Variants in CELF2 observed in about 807,000 individuals in gnomAD.
CELF2 encodes CUG triplet repeat RNA-binding protein 2.
CELF2 carries 8 observed loss-of-function variants against 62.6 expected under a neutral mutation model. That is an observed-to-expected ratio of 0.13 (90% confidence interval 0.07 to 0.23). The LOEUF (loss-of-function observed/expected upper bound fraction) is 0.23, where lower values mean the gene tolerates loss of function less well. Ranked by LOEUF, CELF2 falls within the 10% of genes least tolerant of loss-of-function variation. The pLI is 1.00. For synonymous variants in CELF2, 258 were observed against 250.0 expected (o/e 1.03, Z -0.30); for missense variants, 333 against 671.0 (o/e 0.50, Z 5.56).
Position 10,959,210 on chromosome 10 carries a change from G to A in CELF2, c.89+39211G>A, listed in dbSNP as rs954842443. 8.5e-5 allele frequency among the ~76,000 whole-genome samples: 13 copies of A among 152,214 alleles called. No homozygotes were observed. The East Asian group carries it at 9.6e-4, about 11-fold the overall frequency. On this transcript the variant is annotated intron_variant, in intron 2 of 13. Coordinates refer to the CELF2 transcript ENST00000636488. ...GCAGAAGAATCACTTGAACCTGGGA[G>A]GCAGAGGTTGCAGTGAGGTGACATC... is the stretch of plus-strand genomic sequence containing the variant.
At chr10:11,131,489 C>G (rs543841248) in intron 1 of CELF2, among the ~76,000 whole-genome samples, 2 of 152,334 alleles carry the variant, frequency 1.3e-5, no homozygotes, top group Admixed American at 6.5e-5. Context: ...TGACTTTGAC[C>G]TCTGTCTTCA....
chr10:10,795,165 A>G (rs1042603441), upstream of CELF2, among the ~76,000 whole-genome samples: 2 of 151,934 alleles, frequency 1.3e-5, no homozygotes, highest in African/African-American at 4.8e-5. Flanking sequence ...TGTTAGCTCT[A>G]TGAAAAGGAA....
intron 1 of CELF2, among the ~76,000 whole-genome samples, chr10:11,027,855 C>CT (rs2059480545): frequency 6.6e-6 from 1 of 152,178 alleles, no homozygotes; most frequent in African/African-American, 2.4e-5. Flanking sequence ...AAATACGCTG[C>CT]TTACCTGTCC....
chr10:10,768,730 C>T, the CELF2 span, among the ~76,000 whole-genome samples: 1 of 151,974 alleles, frequency 6.6e-6, no homozygotes, highest in Non-Finnish European at 1.5e-5. Flanking sequence ...CCCAACACCA[C>T]CCCTGGCTAA....
chr10:10,952,487 C>T (rs1012616451), intron 2 of CELF2, among the ~76,000 whole-genome samples: 2 of 152,190 alleles, frequency 1.3e-5, no homozygotes, highest in Non-Finnish European at 1.5e-5. Context: ...ATGAAGGCTT[C>T]CAGCCATTGG....
the CELF2 span, among the ~76,000 whole-genome samples, chr10:10,586,275 A>T: frequency 1.3e-5 from 2 of 152,200 alleles, no homozygotes; most frequent in East Asian, 3.9e-4. Context: ...CTATTTTTTA[A>T]TTTTTTTCTT....
chr10:11,260,566 C>T lies in CELF2; in HGVS notation c.538+2694C>T, dbSNP rs1378581989. On this transcript the variant is annotated intron_variant, in intron 5 of 12. Coordinates refer to ENST00000633077, the MANE Select transcript of CELF2 (RefSeq NM_001326342.2). The surrounding 1 kb of genome is among the most constrained non-coding windows in gnomAD (Gnocchi z 4.2). ...CACCAGAAGCAGCCTGTTCCTGCAA[C>T]AAGTGATGGGGAGCAGTCTCATCAA... 6.6e-6 allele frequency among the ~76,000 whole-genome samples: 1 copy of T among 151,992 alleles called. No homozygotes were observed. Among genetic ancestry groups the T allele is most frequent in the Non-Finnish European group, 1.5e-5 (1 of 68,014 alleles).
chr10:10,473,818 A>T, the CELF2 span, among the ~76,000 whole-genome samples: 34,363 of 151,986 alleles, frequency 0.23, 4,362 homozygotes, highest in African/African-American at 0.35. Flanking sequence ...GAAAAAGAGA[A>T]TCATGTCATT....
the CELF2 span, among the ~76,000 whole-genome samples, chr10:10,629,452 G>A: frequency 2.0e-5 from 3 of 151,804 alleles, no homozygotes; most frequent in African/African-American, 7.3e-5. Flanking sequence ...GTCGTGTTGG[G>A]GTCTTATATT....
In CELF2 at chr10:11,290,782, T is replaced by C. The variant is rs1252593265; in HGVS notation, c.976+2230T>C. Among the ~76,000 whole-genome samples, 1 of 152,156 alleles carries C rather than the reference T, an allele frequency of 6.6e-6. No individual in the cohort carries two copies. Among genetic ancestry groups the C allele is most frequent in the East Asian group, 1.9e-4 (1 of 5,190 alleles). On this transcript the variant is annotated intron_variant, in intron 9 of 12. Coordinates refer to ENST00000633077, the MANE Select transcript of CELF2 (RefSeq NM_001326342.2). The surrounding 1 kb of genome is among the most constrained non-coding windows in gnomAD (Gnocchi z 4.3). ...CTCGCTTAGGTGTCACTGAGAGCGA[T>C]TTTTCTCTTCTCTACTGAGGAATGC... is the stretch of plus-strand genomic sequence containing the variant.
rs2065777798 is a variant in CELF2 at position 10,928,647 on chromosome 10, A to G, written c.89+8648A>G. On this transcript the variant is annotated intron_variant, in intron 2 of 13. Coordinates refer to the CELF2 transcript ENST00000636488. The surrounding 1 kb of genome is among the most constrained non-coding windows in gnomAD (Gnocchi z 4.8). ...TTTACTTTTATAGAAAGGTTTGCTGACCACTGTTCTATACACATCCTAGGT... is the reference window on the plus strand; with the variant it reads ...TTTACTTTTATAGAAAGGTTTGCTGGCCACTGTTCTATACACATCCTAGGT... 6.6e-6 allele frequency among the ~76,000 whole-genome samples: 1 copy of G among 152,156 alleles called. No homozygotes were observed.
At chr10:10,508,002 C>T in the CELF2 span, among the ~76,000 whole-genome samples, 1 of 152,138 alleles carries the variant, frequency 6.6e-6, no homozygotes, top group Non-Finnish European at 1.5e-5. Flanking sequence ...ATAGCATTTA[C>T]CTTTATTTTC....
At chr10:10,776,947 TG>T in the CELF2 span, among the ~76,000 whole-genome samples, 2 of 152,252 alleles carry the variant, frequency 1.3e-5, no homozygotes, top group African/African-American at 4.8e-5. Context: ...CTTCACGTCT[TG>T]GCTATGCCAT....
At chr10:10,704,645 C>T in the CELF2 span, among the ~76,000 whole-genome samples, 24 of 152,182 alleles carry the variant, frequency 1.6e-4, no homozygotes, top group African/African-American at 2.4e-4. Context: ...CTCTAGGAGA[C>T]GCATTAGCTG....
the CELF2 span, among the ~76,000 whole-genome samples, chr10:10,557,011 T>C: frequency 1.3e-5 from 2 of 148,544 alleles, no homozygotes; most frequent in Non-Finnish European, 3.0e-5. Context: ...GTAGTTTCTT[T>C]TGCTGTGCAG....
At chr10:10,491,217 T>A in the CELF2 span, among the ~76,000 whole-genome samples, 2 of 152,176 alleles carry the variant, frequency 1.3e-5, no homozygotes, top group Non-Finnish European at 2.9e-5. Context: ...TCCAGCCCCT[T>A]TCACTGACAT....
At chr10:11,206,521 G>A (rs972180281) in intron 2 of CELF2, among the ~76,000 whole-genome samples, 3 of 152,164 alleles carry the variant, frequency 2.0e-5, no homozygotes, top group Non-Finnish European at 4.4e-5. Context: ...TGCCTCCTTG[G>A]TGTATGGGAA....
Position 11,191,918 on chromosome 10 carries a change from A to G in CELF2, c.272-25507A>G, listed in dbSNP as rs1038572568. ...CATGCAGAGGCCCCGCCCTGTGTCC[A>G]CTCTACTTCTTAGGAACCTGGCAAC... On this transcript the variant is annotated intron_variant, in intron 2 of 12. Coordinates refer to ENST00000633077, the MANE Select transcript of CELF2 (RefSeq NM_001326342.2). The surrounding 1 kb of genome is among the most constrained non-coding windows in gnomAD (Gnocchi z 4.1). Among the ~76,000 whole-genome samples, 1 of 151,902 alleles carries G rather than the reference A, an allele frequency of 6.6e-6. No homozygotes were observed.
At chr10:10,628,284 GT>G in the CELF2 span, among the ~76,000 whole-genome samples, 2 of 149,630 alleles carry the variant, frequency 1.3e-5, no homozygotes, top group African/African-American at 4.9e-5. Context: ...GTATCCTCAT[GT>G]CTCTAGAACC....
Sources: allele counts gnomAD v4.1 joint callset (sites outside exome capture counted in the v4.1 genomes callset), GRCh38; gene constraint gnomAD v4.1.1; non-coding constraint Gnocchi (gnomAD v3.1); transcripts MANE v1.5; gene names NCBI Gene and HGNC (gene_info 2026-07-23, HGNC 2026-07-21).